Variants in SULF1 observed in about 807,000 individuals in gnomAD.
SULF1 encodes the protein sulfatase 1, also known as extracellular sulfatase Sulf-1.
Under a neutral mutation model 110.5 loss-of-function variants are expected in SULF1, and 46 were observed. The observed-to-expected ratio is 0.42, with a 90% CI of 0.33 to 0.53. SULF1 has a LOEUF of 0.53. SULF1 is among the 20% of genes least tolerant of loss of function. SULF1 has a pLI of 0.12. For synonymous variants in SULF1, 371 were observed against 387.1 expected (o/e 0.96, Z 0.49); for missense variants, 941 against 1,094.2 (o/e 0.86, Z 1.98).
chr8:69,645,464 A>C (rs2130708112), intron 22 of SULF1, among the ~76,000 whole-genome samples: 1 of 152,344 alleles, frequency 6.6e-6, no homozygotes, highest in East Asian at 1.9e-4. Flanking sequence ...GACAGAAAGA[A>C]TCGAAACAAC....
In SULF1 at chr8:69,629,981, A is replaced by C. The variant is rs141149643; in HGVS notation, c.2284+302A>C. Among the ~76,000 whole-genome samples the C allele has an allele frequency of 2.1e-4, 32 of 152,338 alleles. No individual in the cohort carries two copies. In the East Asian group the frequency reaches 5.4e-3, roughly 26 times the overall value. The stretch of plus-strand genomic sequence containing the variant: ...ACCCAGTAGAACTGTTCTATAGCTA[A>C]ATAACGCAAGGGATGAACATCCCGT... On this transcript the variant is annotated intron_variant, in intron 19 of 22. Coordinates refer to ENST00000402687, the MANE Select transcript of SULF1 (RefSeq NM_001128205.2).
chr8:69,622,813 G>C (rs1809720116), intron 14 of SULF1, among the ~76,000 whole-genome samples: 1 of 152,114 alleles, frequency 6.6e-6, no homozygotes. Flanking sequence ...TTGAGAGCAG[G>C]AGTCGGTTTT....
intron 8 of SULF1, among the ~76,000 whole-genome samples, chr8:69,592,496 G>A (rs1316058270): frequency 6.6e-6 from 1 of 152,160 alleles, no homozygotes; most frequent in African/African-American, 2.4e-5. Flanking sequence ...TGCAGAGGGT[G>A]GCCTTAGAGG....
intron 19 of SULF1, among the ~76,000 whole-genome samples, chr8:69,636,008 T>C (rs1166133012): frequency 6.6e-6 from 1 of 152,176 alleles, no homozygotes; most frequent in African/African-American, 2.4e-5. Flanking sequence ...TAATAACCTC[T>C]GTCTCAAGAG....
intron 3 of SULF1, among the ~76,000 whole-genome samples, chr8:69,558,756 G>A (rs888428667): frequency 1.2e-4 from 19 of 152,184 alleles, no homozygotes; most frequent in Non-Finnish European, 8.8e-5. Context: ...CCCTTTGGTT[G>A]TCTCAGTATC....
At chr8:69,628,555 A>G (rs1045555648) in intron 18 of SULF1, among the ~76,000 whole-genome samples, 2 of 152,228 alleles carry the variant, frequency 1.3e-5, no homozygotes, top group Non-Finnish European at 2.9e-5. Context: ...CTTGAGGGTT[A>G]CAGACTCTCT....
chr8:69,529,351 C>G (rs535453251), intron 3 of SULF1, among the ~76,000 whole-genome samples: 18 of 152,318 alleles, frequency 1.2e-4, no homozygotes, highest in African/African-American at 3.4e-4. Flanking sequence ...TCTTATGAAT[C>G]ATCAACGGTT....
chr8:69,605,671 A>T (rs1466268294), intron 13 of SULF1, among the ~76,000 whole-genome samples: 1 of 152,262 alleles, frequency 6.6e-6, no homozygotes, highest in East Asian at 1.9e-4. Context: ...AATGTATGCT[A>T]GCTAAAAGAA....
intron 17 of SULF1, 129 bp from the exon 18 acceptor site, chr8:69,628,042 T>C: frequency 7.4e-6 from 7 of 939,786 alleles, no homozygotes; most frequent in Non-Finnish European, 1.0e-5. Flanking sequence ...AAGTAAAAAG[T>C]CACATTCAGC....
chr8:69,560,842 G>A (rs1815433470), intron 3 of SULF1, among the ~76,000 whole-genome samples: 1 of 152,202 alleles, frequency 6.6e-6, no homozygotes, highest in African/African-American at 2.4e-5. Flanking sequence ...AGAGTGGCAT[G>A]TTTTGTGTGT....
chr8:69,586,244 C>A, intron 6 of SULF1, 113 bp from the exon 7 acceptor site: 2 of 1,130,120 alleles, frequency 1.8e-6, no homozygotes, highest in Non-Finnish European at 2.4e-6. Context: ...TCACTATTAC[C>A]TAGGGCAACT....
At chr8:69,600,076 T>TA (rs1443356217) in intron 8 of SULF1, among the ~76,000 whole-genome samples, 2 of 152,142 alleles carry the variant, frequency 1.3e-5, no homozygotes, top group Non-Finnish European at 2.9e-5. Context: ...GGCATCTATA[T>TA]AAAAAACTCA....
intron 13 of SULF1, among the ~76,000 whole-genome samples, chr8:69,610,412 G>C (rs1338787712): frequency 6.6e-6 from 1 of 152,176 alleles, no homozygotes; most frequent in Non-Finnish European, 1.5e-5. Flanking sequence ...TCCAGAAGCA[G>C]ACAAACCTGT....
At chr8:69,609,325 G>A (rs1808464377) in intron 13 of SULF1, among the ~76,000 whole-genome samples, 1 of 152,264 alleles carries the variant, frequency 6.6e-6, no homozygotes, top group South Asian at 2.1e-4. Context: ...CAGCCTGGGC[G>A]ACTGAGTGAG....
upstream of SULF1, among the ~76,000 whole-genome samples, chr8:69,492,258 A>G (rs1185137476): frequency 6.6e-6 from 1 of 151,870 alleles, no homozygotes; most frequent in African/African-American, 2.4e-5. Context: ...TTCTCAGTGG[A>G]CCCAGGCTCA....
chr8:69,632,350 C>T (rs561008780), intron 19 of SULF1, among the ~76,000 whole-genome samples: 1 of 152,204 alleles, frequency 6.6e-6, no homozygotes, highest in South Asian at 2.1e-4. Flanking sequence ...GGATCCTGTA[C>T]ACATATGTGC....
chr8:69,505,199 A>G (rs1811100391), intron 3 of SULF1, among the ~76,000 whole-genome samples: 1 of 152,224 alleles, frequency 6.6e-6, no homozygotes, highest in Non-Finnish European at 1.5e-5. Context: ...AGACACCAAA[A>G]GGACAATTAA....
intron 3 of SULF1, among the ~76,000 whole-genome samples, chr8:69,542,417 G>A (rs183794061): frequency 6.6e-6 from 1 of 152,070 alleles, no homozygotes; most frequent in Non-Finnish European, 1.5e-5. Context: ...TCCCCAGTGT[G>A]GTCATGATGG....
chr8:69,615,066 G>C (rs187479174), intron 13 of SULF1, among the ~76,000 whole-genome samples: 1 of 152,222 alleles, frequency 6.6e-6, no homozygotes, highest in Admixed American at 6.5e-5. Context: ...AAGACAGTGT[G>C]ACAGCTGTGT....
Sources: gnomAD v4.1 joint callset for allele counts (sites outside exome capture counted in the v4.1 genomes callset) on GRCh38, gnomAD v4.1.1 for gene constraint, MANE v1.5 for transcripts, NCBI Gene and HGNC (gene_info 2026-07-23, HGNC 2026-07-21) for gene names.